The following SLC20A1 variants were observed in gnomAD, a reference collection of about 807,000 sequenced individuals.
SLC20A1 encodes solute carrier family 20 member 1.
Under a neutral mutation model 62.7 loss-of-function variants are expected in SLC20A1, and 28 were observed. The ratio of observed to expected loss-of-function variants is 0.45; its 90% CI spans 0.33 to 0.61. The LOEUF is 0.61. Ranked by LOEUF, SLC20A1 falls within the 20% of genes least tolerant of loss-of-function variation. The pLI is 0.02. For missense variants in SLC20A1, 673 were observed against 838.6 expected (o/e 0.80, Z 2.44); for synonymous variants, 305 against 302.9 (o/e 1.01, Z -0.07).
In SLC20A1 at chr2:112,657,280, ATGT is replaced by A. The variant is rs1686618357; in HGVS notation, c.778+43_778+45del. ...AAACAGCAGAAAAGTTTAACTACTA[ATGT>A]TGTGTTTATTTTTTATTTGGCCACC... On this transcript the variant is annotated intron_variant, in intron 6 of 10. Transcript: ENST00000272542. 7.6e-6 allele frequency: 12 copies of A among 1,579,228 alleles called. 1 individual carries two copies. The highest frequency in any genetic ancestry group is 4.1e-5 in the African/African-American group (3 of 73,616).
Position 112,657,195 on chromosome 2 carries a change from T to C in SLC20A1, c.732T>C (p.Leu244=), listed in dbSNP as rs1325205021. Residue 244 remains leucine (L), a synonymous_variant, in exon 6 of 11, where the codon CTT becomes CTC. Coordinates refer to ENST00000272542, the MANE Select transcript of SLC20A1 (RefSeq NM_005415.5). The part of the protein sequence containing the change: ...ISVGCAVFCA[L]IVWFFVCPRM... ...TGGGATGTGCAGTTTTCTGTGCCCTTATCGTCTGGTTCTTTGTATGTCCCA... is the reference window on the plus strand; with the variant it reads ...TGGGATGTGCAGTTTTCTGTGCCCTCATCGTCTGGTTCTTTGTATGTCCCA... 3 of 1,614,040 alleles carry C rather than the reference T, an allele frequency of 1.9e-6. No homozygotes were observed. The highest frequency in any genetic ancestry group is 2.2e-5 in the East Asian group (1 of 44,884).
chr2:112,657,574 T>G (rs557596629), intron 6 of SLC20A1, among the ~76,000 whole-genome samples: 32 of 152,280 alleles, frequency 2.1e-4, no homozygotes, highest in African/African-American at 7.2e-4. Context: ...TAGCCTACAT[T>G]TACTGAGAAG....
Position 112,646,894 on chromosome 2 carries a change from A to G in SLC20A1, c.66A>G (p.Leu22=), listed in dbSNP as rs751608876. 8 of 1,613,820 alleles carry G rather than the reference A, an allele frequency of 5.0e-6. No homozygotes were observed. The highest frequency in any genetic ancestry group is 1.7e-5 in the Admixed American group (1 of 59,982). Residue 22 remains leucine (L), a synonymous_variant, in exon 2 of 11, where the codon CTA becomes CTG. Coordinates refer to ENST00000272542, the MANE Select transcript of SLC20A1 (RefSeq NM_005415.5). ...TAASGPLVDY[L]WMLILGFIIA... is the part of the protein sequence containing the mutation. The stretch of plus-strand genomic sequence containing the variant: ...CTTCTGGTCCTTTGGTGGACTACCT[A>G]TGGATGCTCATCCTGGGCTTCATTA...
chr2:112,652,561 GA>G, intron 4 of SLC20A1, 140 bp from the exon 5 acceptor site: 1 of 650,916 alleles, frequency 1.5e-6, no homozygotes, highest in Non-Finnish European at 2.7e-6. Flanking sequence ...GCAAATGCAG[GA>G]AAAACTCTGT....
At chr2:112,651,540 A>T (rs951389271) in intron 4 of SLC20A1, among the ~76,000 whole-genome samples, 2 of 152,072 alleles carry the variant, frequency 1.3e-5, no homozygotes, top group Middle Eastern at 6.8e-3. Context: ...AGTAGCTGGG[A>T]CTACAGATGC....
chr2:112,648,278 A>G (rs1251745231), intron 4 of SLC20A1, among the ~76,000 whole-genome samples: 3 of 152,196 alleles, frequency 2.0e-5, no homozygotes, highest in African/African-American at 4.8e-5. Flanking sequence ...CCGCCCCCCA[A>G]AAAAACTTCA....
rs916494322 is a variant in SLC20A1, at chr2:112,661,302, C to T, written c.1878+76C>T. The T allele has an allele frequency of 9.6e-6, 11 of 1,141,714 alleles. No homozygotes were observed. In the African/African-American group the frequency reaches 1.4e-4, roughly 14 times the overall value. 70.7% of individuals were successfully genotyped at this position (1,141,714 alleles called of 1,614,324 possible). A position where few individuals can be genotyped will look rare whatever the true frequency, so the allele number is the denominator to read the frequency against. On this transcript the variant is annotated intron_variant, in intron 10 of 10. Transcript: ENST00000272542. ...GGTTTTTAGTTTTACTTCTCTGATA[C>T]TTTGATTTAGAAAGTTTTGTGCAGT...
At chr2:112,661,050 A>G (rs532117207) in intron 9 of SLC20A1, 92 bp from the exon 10 acceptor site, 2 of 888,896 alleles carry the variant, frequency 2.2e-6, no homozygotes, top group East Asian at 4.8e-5. Flanking sequence ...GACTGAGTAG[A>G]ACAAAGCAGG....
At position 112,658,965 on chromosome 2, in the gene SLC20A1, C is replaced by A; in HGVS notation, c.919C>A (p.Pro307Thr). Residue 307 changes from proline (P) to threonine (T), a missense_variant, in exon 7 of 11, where the codon CCC becomes ACC. Coordinates refer to ENST00000272542, the MANE Select transcript of SLC20A1 (RefSeq NM_005415.5). ...PVSEVGPATV[P>T]LQAVVEERTV... The stretch of plus-strand genomic sequence containing the variant: ...TTCTGAGGTAGGGCCTGCCACTGTG[C>A]CCCTCCAGGCTGTGGTGGAGGAGAG... 6.2e-7 allele frequency: 1 copy of A among 1,614,186 alleles called. No homozygotes were observed. Among genetic ancestry groups the A allele is most frequent in the Non-Finnish European group, 8.5e-7 (1 of 1,180,036 alleles).
intron 4 of SLC20A1, among the ~76,000 whole-genome samples, chr2:112,651,120 T>C (rs1031675620): frequency 6.6e-6 from 1 of 152,196 alleles, no homozygotes; most frequent in Non-Finnish European, 1.5e-5. Flanking sequence ...AAACTATAGA[T>C]AAGAGTTAAA....
chr2:112,654,341 T>C (rs1272282194), intron 5 of SLC20A1, among the ~76,000 whole-genome samples: 1 of 152,194 alleles, frequency 6.6e-6, no homozygotes, highest in Non-Finnish European at 1.5e-5. Context: ...ATGATGCTCT[T>C]AACACTCATT....
In SLC20A1 at chr2:112,662,226, G is replaced by C. The variant is rs1686768628; in HGVS notation, c.1879-638G>C. On this transcript the variant is annotated intron_variant, in intron 10 of 10. Coordinates refer to ENST00000272542, the MANE Select transcript of SLC20A1 (RefSeq NM_005415.5). ...TGTGTCTCCAGACAATTGTTTATTAGGTTTAATATCAGCCACTCTGTAAAT... is the reference window on the plus strand; with the variant it reads ...TGTGTCTCCAGACAATTGTTTATTACGTTTAATATCAGCCACTCTGTAAAT... Among the ~76,000 whole-genome samples, 4 of 152,144 alleles carry C rather than the reference G, an allele frequency of 2.6e-5. No homozygotes were observed. The South Asian group carries it at 8.3e-4, about 31-fold the overall frequency.
intron 1 of SLC20A1, 94 bp downstream of exon 1, chr2:112,646,223 G>A (rs1352813649): frequency 2.0e-5 from 3 of 152,084 alleles, no homozygotes; most frequent in South Asian, 2.1e-4. Flanking sequence ...TGGGCGGCGC[G>A]GCTGGCTTCT....
Position 112,650,845 on chromosome 2 carries a change from A to G in SLC20A1, c.562-1857A>G, listed in dbSNP as rs137997621. ...GCTCTGTTGCTTAAGTTGGTCTTGA[A>G]CTTCTGGGCTCAAGCCATCCCCTGC... is the stretch of plus-strand genomic sequence containing the variant. On this transcript the variant is annotated intron_variant, in intron 4 of 10. Coordinates refer to ENST00000272542, the MANE Select transcript of SLC20A1 (RefSeq NM_005415.5). Among the ~76,000 whole-genome samples, 989 of 151,484 alleles carry G rather than the reference A, an allele frequency of 6.5e-3. 7 individuals carry two copies. The highest frequency in any genetic ancestry group is 0.023 in the African/African-American group (932 of 41,236).
In SLC20A1 at chr2:112,659,029, CAG is replaced by C. The variant is rs751319765; in HGVS notation, c.994_995del (p.Arg332AlafsTer14). The stretch of plus-strand genomic sequence containing the variant: ...AAACTTGGAGATTTGGAGGAAGCTC[CAG>C]AGAGAGAGAGGCTTCCCAGCGTGGA... On this transcript the variant is annotated frameshift_variant, in exon 7 of 11. Transcript: ENST00000272542. LOFTEE classifies it high-confidence loss of function. 9.3e-6 allele frequency: 15 copies of C among 1,611,280 alleles called. No homozygotes were observed. The highest frequency in any genetic ancestry group is 1.2e-5 in the Non-Finnish European group (14 of 1,178,096).
Position 112,646,856 on chromosome 2 carries a change from G to A in SLC20A1, c.28G>A (p.Ala10Thr), listed in dbSNP as rs1686293577. 2 of 1,613,016 alleles carry A rather than the reference G, an allele frequency of 1.2e-6. No individual in the cohort carries two copies. Among genetic ancestry groups the A allele is most frequent in the Non-Finnish European group, 8.5e-7 (1 of 1,179,368 alleles). Residue 10 changes from alanine to threonine, a missense_variant, in exon 2 of 11, where the codon GCT becomes ACT. Coordinates refer to ENST00000272542, the MANE Select transcript of SLC20A1 (RefSeq NM_005415.5). ...GGCAACGCTGATTACCAGTACTACA[G>A]CTGCTACCGCCGCTTCTGGTCCTTT... The part of the protein sequence containing the change: MATLITSTT[A>T]ATAASGPLVD...
intron 2 of SLC20A1, 62 bp from the exon 3 acceptor site, chr2:112,647,262 G>A (rs1411466713): frequency 6.3e-7 from 1 of 1,590,772 alleles, no homozygotes; most frequent in Admixed American, 1.7e-5. Flanking sequence ...TAACCTTTCT[G>A]AATGTGCCAC....
chr2:112,654,402 T>G (rs976967508), intron 5 of SLC20A1, among the ~76,000 whole-genome samples: 4 of 152,236 alleles, frequency 2.6e-5, no homozygotes, highest in Non-Finnish European at 4.4e-5. Context: ...AGAATCATTT[T>G]AAAAACAGAA....
At chr2:112,660,610 C>G (rs1686722027) in intron 9 of SLC20A1, 38 bp downstream of exon 9, 2 of 1,565,344 alleles carry the variant, frequency 1.3e-6, no homozygotes, top group Admixed American at 1.9e-5. Context: ...TGTCAGTACT[C>G]ATTTTTTTCA....
Sources: gnomAD v4.1 joint callset for allele counts (sites outside exome capture counted in the v4.1 genomes callset) on GRCh38, gnomAD v4.1.1 for gene constraint, MANE v1.5 for transcripts, NCBI Gene and HGNC (gene_info 2026-07-23, HGNC 2026-07-21) for gene names.